Variants in SPRTN observed in about 807,000 individuals in gnomAD.
SPRTN encodes the protein DNA-dependent metalloprotease SPRTN.
Under a neutral mutation model 31.9 loss-of-function variants are expected in SPRTN, and 11 were observed. That is an observed-to-expected ratio of 0.34 (90% confidence interval 0.22 to 0.57). SPRTN has a LOEUF of 0.57. Ranked by LOEUF, SPRTN falls within the 20% of genes least tolerant of loss-of-function variation. The pLI is 0.86. For synonymous variants in SPRTN, 185 were observed against 212.1 expected, an observed-to-expected ratio of 0.87 and a Z score of 1.11; for missense variants, 482 against 590.1, an observed-to-expected ratio of 0.82 and a Z score of 1.90.
chr1:231,338,400 T>G lies in SPRTN; in HGVS notation c.17T>G (p.Met6Arg). The G allele has an allele frequency of 6.2e-7, 1 of 1,614,258 alleles. No individual in the cohort carries two copies. The highest frequency in any genetic ancestry group is 8.5e-7 in the Non-Finnish European group (1 of 1,180,044). The part of the protein sequence containing the change: MDDDL[M>R]LALRLQEEWN... ...CTGGCAACGATGGATGATGACTTGA[T>G]GTTGGCACTGCGGCTTCAGGAGGAG... is the stretch of plus-strand genomic sequence containing the variant. Residue 6 changes from methionine to arginine, a missense_variant, in exon 1 of 5, where the codon ATG (methionine) becomes AGG (arginine). Transcript: ENST00000295050.
Position 231,354,557 on chromosome 1 carries a change from A to C in SPRTN, c.*1196A>C, listed in dbSNP as rs1427549425. 5.0e-6 allele frequency: 1 copy of C among 200,854 alleles called. No homozygotes were observed. The highest frequency in any genetic ancestry group is 8.9e-6 in the Non-Finnish European group (1 of 112,544). 12.4% of individuals were successfully genotyped at this position (200,854 alleles called of 1,614,324 possible). A position where few individuals can be genotyped will look rare whatever the true frequency, so the allele number is the denominator to read the frequency against. On this transcript the variant is annotated 3_prime_UTR_variant, in exon 5 of 5. Coordinates refer to ENST00000295050, the MANE Select transcript of SPRTN (RefSeq NM_032018.7). ...AGGTGTCTGTTCCCAGTTGATACCC[A>C]TGACCCTCACCACCTCCAGAGGTCC...
In SPRTN at chr1:231,340,056, A is replaced by AAAC. The variant is rs548769054; in HGVS notation, c.321+190_321+191insCAA. The AAAC allele has an allele frequency of 9.3e-4, 467 of 501,346 alleles. 4 individuals carry two copies. The highest frequency in any genetic ancestry group is 1.4e-3 in the Non-Finnish European group (414 of 289,138). 31.1% of individuals were successfully genotyped at this position (501,346 alleles called of 1,614,324 possible). ...TTATAGTGCTTCATAGTAAAAAAAA[A>AAAC]AAAAACAAAAAAAAGGCTTCTAGGG... is the stretch of plus-strand genomic sequence containing the variant. On this transcript the variant is annotated intron_variant, in intron 2 of 4. Transcript: ENST00000295050.
intron 2 of SPRTN, among the ~76,000 whole-genome samples, chr1:231,345,905 T>C (rs1283844704): frequency 1.3e-5 from 2 of 152,120 alleles, no homozygotes; most frequent in Non-Finnish European, 2.9e-5. Flanking sequence ...CTTGAATTCA[T>C]GGCCTCAAGT....
chr1:231,344,031 TGATA>T (rs1009013372), intron 2 of SPRTN, among the ~76,000 whole-genome samples: 9 of 152,108 alleles, frequency 5.9e-5, no homozygotes, highest in African/African-American at 2.2e-4. Context: ...ATATGGAAAA[TGATA>T]GATATTTAAA....
rs530270495 is a variant in SPRTN at position 231,354,215 on chromosome 1, A to G, written c.*854A>G. Reference sequence around the variant, plus strand: ...TTGAACTTTAAGCCAAGTTTAAAACATTATAATAAAAGGAATACCATTTGT... The same window carrying G: ...TTGAACTTTAAGCCAAGTTTAAAACGTTATAATAAAAGGAATACCATTTGT... On this transcript the variant is annotated 3_prime_UTR_variant, in exon 5 of 5. Transcript: ENST00000295050. 7 of 979,478 alleles carry G rather than the reference A, an allele frequency of 7.1e-6. No homozygotes were observed. The East Asian group carries it at 8.0e-4, about 111-fold the overall frequency. The allele number at this position is 979,478 out of a possible 1,614,324, so 60.7% of individuals were successfully genotyped here.
chr1:231,340,357 ACT>A (rs1322565577), intron 2 of SPRTN, among the ~76,000 whole-genome samples: 1 of 152,062 alleles, frequency 6.6e-6, no homozygotes, highest in African/African-American at 2.4e-5. Flanking sequence ...ACAGAGCAAG[ACT>A]CTGTCTCAAA....
chr1:231,353,814 GAC>G lies in SPRTN; in HGVS notation c.*454_*455del. The stretch of plus-strand genomic sequence containing the variant: ...ACATACTGACCAAAACCACAATCTA[GAC>G]TACAAAGTATATTGTTTTAGAGTAC... On this transcript the variant is annotated 3_prime_UTR_variant, in exon 5 of 5. Coordinates refer to ENST00000295050, the MANE Select transcript of SPRTN (RefSeq NM_032018.7). The G allele has an allele frequency of 4.1e-6, 4 of 974,946 alleles. 1 individual carries two copies. The highest frequency in any genetic ancestry group is 2.4e-6 in the Non-Finnish European group (2 of 820,438). 60.4% of individuals were successfully genotyped at this position (974,946 alleles called of 1,614,324 possible). A position where few individuals can be genotyped will look rare whatever the true frequency, so the allele number is the denominator to read the frequency against.
Position 231,351,488 on chromosome 1 carries a change from T to G in SPRTN, c.635T>G (p.Ile212Ser). 6.2e-7 allele frequency: 1 copy of G among 1,613,882 alleles called. No individual in the cohort carries two copies. Reference protein sequence around the residue: ...QKTCGGTYIKIKEPENYSKKG... With the variant: ...QKTCGGTYIKSKEPENYSKKG... The stretch of plus-strand genomic sequence containing the variant: ...ACCTGTGGAGGCACTTACATAAAAA[T>G]CAAGGAACCAGAGAATTACTCAAAA... Residue 212 changes from isoleucine to serine, a missense_variant, in exon 4 of 5, where the codon ATC becomes AGC. This residue lies in a region of SPRTN where 325 missense variants were observed against 350.2 expected (regional missense o/e 0.93). Transcript: ENST00000295050.
Position 231,352,622 on chromosome 1 carries a change from G to A in SPRTN, c.731G>A (p.Arg244Lys). 6.3e-7 allele frequency: 1 copy of A among 1,583,866 alleles called. No individual in the cohort carries two copies. The highest frequency in any genetic ancestry group is 8.6e-7 in the Non-Finnish European group (1 of 1,169,082). Residue 244 changes from arginine to lysine, a missense_variant, in exon 5 of 5, where the codon AGA (arginine) becomes AAA (lysine). Physicochemically the swap from Arg to Lys is conservative, Grantham distance 26 (BLOSUM62 2). This residue lies in a region of SPRTN where 325 missense variants were observed against 350.2 expected (regional missense o/e 0.93). Coordinates refer to ENST00000295050, the MANE Select transcript of SPRTN (RefSeq NM_032018.7). ...LAAENKDKPNRGEAQLVIPFS... is the reference protein window; with the variant it reads ...LAAENKDKPNKGEAQLVIPFS... ...GCTTTTTTGGCAGATAAACCCAACA[G>A]AGGTGAGGCCCAGCTAGTAATCCCT...
chr1:231,352,248 C>A lies in SPRTN; in HGVS notation c.719-362C>A, dbSNP rs571776546. 4.0e-6 allele frequency: 4 copies of A among 1,008,600 alleles called. No individual in the cohort carries two copies. In the African/African-American group the frequency reaches 6.9e-5, roughly 17 times the overall value. The allele number at this position is 1,008,600 out of a possible 1,614,324, so 62.5% of individuals were successfully genotyped here. A position where few individuals can be genotyped will look rare whatever the true frequency, so the allele number is the denominator to read the frequency against. On this transcript the variant is annotated intron_variant, in intron 4 of 4. Transcript: ENST00000295050. ...ATGAATTGATATGGAAAGACCGTAT[C>A]TTCATTTTCGTGAGTAGAAGGAAAG...
intron 4 of SPRTN, chr1:231,352,043 GTTCA>G (rs1687255606): frequency 1.0e-6 from 1 of 990,698 alleles, no homozygotes; most frequent in Non-Finnish European, 1.2e-6. Context: ...ATGTATGTAT[GTTCA>G]TTCAAAGAAT....
Position 231,354,988 on chromosome 1 carries a change from C to A in SPRTN, c.*1627C>A. The stretch of plus-strand genomic sequence containing the variant: ...TCACAAATTTTGATATTCCTTAAAG[C>A]ATTAAAACATTTTAATAAATACTTA... On this transcript the variant is annotated 3_prime_UTR_variant, in exon 5 of 5. Transcript: ENST00000295050. The A allele has an allele frequency of 1.1e-6, 1 of 912,860 alleles. No individual in the cohort carries two copies. The highest frequency in any genetic ancestry group is 1.3e-6 in the Non-Finnish European group (1 of 763,874). 56.5% of individuals were successfully genotyped at this position (912,860 alleles called of 1,614,324 possible). A position where few individuals can be genotyped will look rare whatever the true frequency, so the allele number is the denominator to read the frequency against.
Position 231,351,479 on chromosome 1 carries a change from A to T in SPRTN, c.626A>T (p.Tyr209Phe), listed in dbSNP as rs1687236101. The T allele has an allele frequency of 1.2e-6, 2 of 1,614,084 alleles. No homozygotes were observed. The highest frequency in any genetic ancestry group is 1.7e-6 in the Non-Finnish European group (2 of 1,180,028). Residue 209 changes from tyrosine (Y) to phenylalanine (F), a missense_variant, in exon 4 of 5, where the codon TAC becomes TTC. Around this residue, in one of 2 missense-constraint regions of SPRTN, gnomAD observed 325 missense variants for 350.2 expected, o/e 0.93. Transcript: ENST00000295050. ...AEHQKTCGGT[Y>F]IKIKEPENYS... ...CACCAGAAAACCTGTGGAGGCACTT[A>T]CATAAAAATCAAGGAACCAGAGAAT...
Sources: allele counts gnomAD v4.1 joint callset (sites outside exome capture counted in the v4.1 genomes callset), GRCh38; gene constraint gnomAD v4.1.1; regional missense constraint gnomAD v4.1.1; transcripts MANE v1.5; gene names NCBI Gene and HGNC (gene_info 2026-07-23, HGNC 2026-07-21).